Variants in SEC31A observed in about 807,000 individuals in gnomAD.
SEC31A encodes protein transport protein Sec31A.
Under a neutral mutation model 151.0 loss-of-function variants are expected in SEC31A, and 70 were observed. The ratio of observed to expected loss-of-function variants is 0.46; its 90% CI spans 0.38 to 0.57. The LOEUF (loss-of-function observed/expected upper bound fraction) is 0.57, where lower values mean the gene tolerates loss of function less well. Among genes scored for constraint, SEC31A ranks in the 20% least tolerant of loss-of-function variants. The probability of loss-of-function intolerance (pLI) is 0.00; values close to 1 mark genes in which losing one functional copy is unlikely to be tolerated. For synonymous variants in SEC31A, 475 were observed against 505.9 expected (o/e 0.94, Z 0.82); for missense variants, 1,330 against 1,471.2 (o/e 0.90, Z 1.57).
chr4:82,891,624 C>T (rs1047352428), upstream of SEC31A, among the ~76,000 whole-genome samples: 2 of 152,176 alleles, frequency 1.3e-5, no homozygotes, highest in African/African-American at 4.8e-5. Context: ...TAAAATTACC[C>T]ACTTGATTGC....
intron 24 of SEC31A, among the ~76,000 whole-genome samples, chr4:82,826,457 A>G (rs914358531): frequency 1.3e-5 from 2 of 152,134 alleles, no homozygotes; most frequent in African/African-American, 4.8e-5. Flanking sequence ...GAGTTCAAGC[A>G]ATTCTCCTGC....
At chr4:82,887,854 C>G (rs187184701) in intron 1 of SEC31A, among the ~76,000 whole-genome samples, 4,096 of 148,772 alleles carry the variant, frequency 0.028, 200 homozygotes, top group African/African-American at 0.095. Context: ...GTCAGGAGAT[C>G]GAGACCACGG....
rs576789333 is a variant in SEC31A, at chr4:82,839,058, A to G, written c.2968+3082T>C. ...AGTGGCACGATCTCAGCTCACTGCA[A>G]CCTCTGCTCCGGAGTTCAAGCGATT... On this transcript the variant is annotated intron_variant, in intron 22 of 26. Transcript: ENST00000395310. Among the ~76,000 whole-genome samples the G allele has an allele frequency of 5.3e-5, 8 of 152,290 alleles. 1 individual carries two copies. In the South Asian group the frequency reaches 1.7e-3, roughly 32 times the overall value.
chr4:82,854,439 AT>A (rs1438133780), intron 17 of SEC31A, among the ~76,000 whole-genome samples: 2 of 151,740 alleles, frequency 1.3e-5, no homozygotes, highest in Non-Finnish European at 2.9e-5. Flanking sequence ...GCAAATGGCT[AT>A]TTGTTTTTAT....
Position 82,878,843 on chromosome 4 carries a change from T to A in SEC31A, c.289A>T (p.Asn97Tyr), listed in dbSNP as rs1205901191. ...TTAGAAGGATCATAGAGAATAATAT[T>A]TCCATTTTCACCACCTGCAATCAGA... ...GVLIAGGENG[N>Y]IILYDPSKII... Residue 97 changes from asparagine (N) to tyrosine (Y), a missense_variant, in exon 4 of 27, where the codon AAT (asparagine) becomes TAT (tyrosine). Asn to Tyr is a moderately radical substitution (Grantham distance 143). Transcript: ENST00000395310. 6.2e-7 allele frequency: 1 copy of A among 1,613,766 alleles called. No individual in the cohort carries two copies. The highest frequency in any genetic ancestry group is 8.5e-7 in the Non-Finnish European group (1 of 1,179,820).
At chr4:82,853,975 A>C (rs1732013634) in intron 17 of SEC31A, among the ~76,000 whole-genome samples, 1 of 152,226 alleles carries the variant, frequency 6.6e-6, no homozygotes, top group Admixed American at 6.5e-5. Context: ...TTAGAAAAAC[A>C]ATAAATGGGA....
upstream of SEC31A, among the ~76,000 whole-genome samples, chr4:82,892,595 TG>T (rs1719866993): frequency 6.6e-6 from 1 of 152,242 alleles, no homozygotes; most frequent in African/African-American, 2.4e-5. Context: ...GTTTAATCTC[TG>T]GGGTCAAGGA....
At chr4:82,839,802 C>G (rs1346327807) in intron 22 of SEC31A, among the ~76,000 whole-genome samples, 1 of 152,176 alleles carries the variant, frequency 6.6e-6, no homozygotes, top group Non-Finnish European at 1.5e-5. Context: ...CTTCCTCTTC[C>G]TGTTAGTCAC....
intron 20 of SEC31A, among the ~76,000 whole-genome samples, chr4:82,847,578 C>T (rs2149310686): frequency 6.6e-6 from 1 of 152,212 alleles, no homozygotes; most frequent in South Asian, 2.1e-4. Context: ...AGTTCTAATC[C>T]CAACTTGGCC....
chr4:82,819,296 T>C (rs755592433), intron 26 of SEC31A, 43 bp from the exon 27 acceptor site: 1 of 1,444,370 alleles, frequency 6.9e-7, no homozygotes, highest in South Asian at 1.5e-5. Context: ...AATTAAGGGA[T>C]AACTTCCCAT....
chr4:82,873,461 A>C, intron 6 of SEC31A, among the ~76,000 whole-genome samples: 1 of 152,220 alleles, frequency 6.6e-6, no homozygotes, highest in East Asian at 1.9e-4. Flanking sequence ...TATCTGAAGC[A>C]AAAACTACCA....
At chr4:82,861,905 CTTTTTTTTT>C (rs33968103) in intron 13 of SEC31A, 197 bp from the exon 14 acceptor site, 66 of 89,684 alleles carry the variant, frequency 7.4e-4, no homozygotes, top group African/African-American at 1.2e-3. Context: ...CTTTCCCATT[CTTTTTTTTT>C]TTTTTTTTTT....
At chr4:82,844,549 GA>G (rs1332478782) in intron 20 of SEC31A, 40 bp from the exon 21 acceptor site, 2 of 1,590,066 alleles carry the variant, frequency 1.3e-6, no homozygotes, top group African/African-American at 2.7e-5. Flanking sequence ...GATACAAGTA[GA>G]ACCAGGAACT....
chr4:82,854,357 C>T (rs1732138716), intron 17 of SEC31A, among the ~76,000 whole-genome samples: 1 of 81,978 alleles, frequency 1.2e-5, no homozygotes, highest in Admixed American at 1.7e-4. Context: ...GAGCAAAACT[C>T]CGTCTCCAAA....
At chr4:82,860,478 C>A (rs1733871704) in intron 14 of SEC31A, among the ~76,000 whole-genome samples, 1 of 151,736 alleles carries the variant, frequency 6.6e-6, no homozygotes, top group African/African-American at 2.4e-5. Context: ...AAAATTAGTT[C>A]TTTTCTTTTT....
chr4:82,829,046 C>A lies in SEC31A; in HGVS notation c.2981G>T (p.Gly994Val). The change falls in exon 23 of 27, where the codon GGT becomes GTT. Residue 994 changes from glycine (G) to valine (V), a missense_variant. Gly to Val is a moderately radical substitution (Grantham distance 109). Transcript: ENST00000395310. The part of the protein sequence containing the change: ...PASQRTGPQN[G>V]WNDPPALNRV... ...GTTCAAAGCTGGAGGGTCATTCCAACCATTCTGAGGACCTATAACAGATAA... is the reference window on the plus strand; with the variant it reads ...GTTCAAAGCTGGAGGGTCATTCCAAACATTCTGAGGACCTATAACAGATAA... 1 of 1,613,284 alleles carries A rather than the reference C, an allele frequency of 6.2e-7. No homozygotes were observed. Among genetic ancestry groups the A allele is most frequent in the East Asian group, 2.2e-5 (1 of 44,858 alleles).
intron 4 of SEC31A, among the ~76,000 whole-genome samples, chr4:82,878,320 C>A (rs1322261056): frequency 1.3e-5 from 2 of 151,902 alleles, no homozygotes; most frequent in East Asian, 3.9e-4. Flanking sequence ...ATGGTGAAAC[C>A]CCATCTCTAC....
intron 13 of SEC31A, 68 bp downstream of exon 13, chr4:82,862,466 G>T: frequency 1.7e-6 from 2 of 1,156,406 alleles, no homozygotes; most frequent in Non-Finnish European, 2.6e-6. Flanking sequence ...TTTCTTAAAT[G>T]ATATTTCCTT....
At chr4:82,878,262 G>A (rs1281636757) in intron 4 of SEC31A, among the ~76,000 whole-genome samples, 2 of 151,998 alleles carry the variant, frequency 1.3e-5, no homozygotes, top group African/African-American at 2.4e-5. Flanking sequence ...TTGGGAGGCC[G>A]AGGCGGGCGG....
Sources: allele counts gnomAD v4.1 joint callset (sites outside exome capture counted in the v4.1 genomes callset), GRCh38; gene constraint gnomAD v4.1.1; transcripts MANE v1.5; gene names NCBI Gene and HGNC (gene_info 2026-07-23, HGNC 2026-07-21).